DOCK9: variants seen among roughly 807,000 people sequenced by gnomAD.
DOCK9 encodes the protein dedicator of cytokinesis 9.
A neutral mutation model predicts 263.3 loss-of-function variants in DOCK9; 89 were observed. The ratio of observed to expected loss-of-function variants is 0.34; its 90% CI spans 0.28 to 0.40. The LOEUF (loss-of-function observed/expected upper bound fraction) is 0.40, where lower values mean the gene tolerates loss of function less well. DOCK9 is among the 10% of genes least tolerant of loss of function. The pLI, the probability that DOCK9 is intolerant of heterozygous loss-of-function variation, is 1.00. For missense variants in DOCK9, 2,140 were observed against 2,603.4 expected (o/e 0.82, Z 3.87); for synonymous variants, 976 against 973.1 (o/e 1.00, Z -0.06).
intron 52 of DOCK9, among the ~76,000 whole-genome samples, chr13:98,795,272 T>C (rs1391720896): frequency 6.6e-6 from 1 of 152,262 alleles, no homozygotes; most frequent in Non-Finnish European, 1.5e-5. Context: ...GTTTCTCTCC[T>C]GCCTCCTTTT....
intron 1 of DOCK9, among the ~76,000 whole-genome samples, chr13:98,983,358 A>G (rs1877677910): frequency 6.6e-6 from 1 of 152,202 alleles, no homozygotes; most frequent in Non-Finnish European, 1.5e-5. Context: ...TCTGAGAAAG[A>G]CAAAAGCATG....
chr13:99,077,597 A>G lies in DOCK9; in HGVS notation c.129+8626T>C, dbSNP rs192542319. 2.6e-5 allele frequency among the ~76,000 whole-genome samples: 4 copies of G among 152,284 alleles called. No homozygotes were observed. In the East Asian group the frequency reaches 7.7e-4, roughly 29 times the overall value. On this transcript the variant is annotated intron_variant, in intron 1 of 32. Coordinates refer to the DOCK9 transcript ENST00000427887. ...TTGCAGTGCAAAAATGGACTAATACACCCTACTACTGCACAGACCAGGAAA... is the reference window on the plus strand; with the variant it reads ...TTGCAGTGCAAAAATGGACTAATACGCCCTACTACTGCACAGACCAGGAAA...
chr13:98,941,008 G>A (rs990642094), intron 2 of DOCK9, among the ~76,000 whole-genome samples: 6 of 152,176 alleles, frequency 3.9e-5, no homozygotes, highest in East Asian at 1.9e-4. Flanking sequence ...GTGACCAACC[G>A]TACTAACTTT....
In DOCK9 at chr13:98,824,565, G is replaced by C. The variant is rs147013907; in HGVS notation, c.5024-61C>G. On this transcript the variant is annotated intron_variant, in intron 44 of 52. Transcript: ENST00000682017. ...GAACCTGAACGTGGGTGAACCCTGA[G>C]GGTTTTTCCTGCCCTGTGTGTTTCT... The C allele has an allele frequency of 3.3e-4, 479 of 1,452,534 alleles. 1 individual carries two copies. The highest frequency in any genetic ancestry group is 2.9e-3 in the African/African-American group (209 of 71,850). 90.0% of individuals were successfully genotyped at this position (1,452,534 alleles called of 1,614,324 possible).
chr13:98,966,360 ATG>A (rs1368110674), intron 1 of DOCK9, among the ~76,000 whole-genome samples: 1 of 152,250 alleles, frequency 6.6e-6, no homozygotes, highest in African/African-American at 2.4e-5. Context: ...TGGGCCCAGC[ATG>A]TGTCTCTCAC....
intron 1 of DOCK9, among the ~76,000 whole-genome samples, chr13:99,034,498 T>C (rs1319622665): frequency 6.6e-6 from 1 of 152,216 alleles, no homozygotes; most frequent in East Asian, 1.9e-4. Context: ...TTTCTGACTG[T>C]TGTAACCTTG....
At chr13:98,860,355 C>T (rs1394781134) in intron 33 of DOCK9, 50 bp downstream of exon 33, 4 of 1,552,468 alleles carry the variant, frequency 2.6e-6, no homozygotes, top group Non-Finnish European at 3.5e-6. Flanking sequence ...GGCTCCAAGA[C>T]ACTTTCAGAG....
At chr13:98,956,568 G>A (rs1371658873) in intron 1 of DOCK9, among the ~76,000 whole-genome samples, 4 of 151,910 alleles carry the variant, frequency 2.6e-5, no homozygotes, top group African/African-American at 9.7e-5. Flanking sequence ...CCAACACGAT[G>A]AAACCCTGTC....
chr13:99,006,702 A>AT (rs1336584174), intron 1 of DOCK9, among the ~76,000 whole-genome samples: 1 of 152,192 alleles, frequency 6.6e-6, no homozygotes, highest in Non-Finnish European at 1.5e-5. Context: ...GTTATGGGTA[A>AT]TTTTTGTTTT....
At chr13:98,839,778 C>T (rs373852351) in intron 38 of DOCK9, among the ~76,000 whole-genome samples, 8 of 152,286 alleles carry the variant, frequency 5.3e-5, no homozygotes, top group Admixed American at 2.0e-4. Context: ...TTAAAACATA[C>T]CATCAATGGA....
chr13:98,957,446 T>C (rs1224034443), intron 1 of DOCK9, among the ~76,000 whole-genome samples: 2 of 152,098 alleles, frequency 1.3e-5, no homozygotes, highest in Non-Finnish European at 2.9e-5. Flanking sequence ...TACACAATTA[T>C]TATAATTAAG....
chr13:98,950,592 C>T (rs1322048206), intron 2 of DOCK9: 6 of 280,638 alleles, frequency 2.1e-5, no homozygotes, highest in African/African-American at 8.9e-5. Context: ...CGTGAGCCAA[C>T]GAACCCGGCC....
At chr13:99,078,550 C>G (rs1042690131) in intron 1 of DOCK9, among the ~76,000 whole-genome samples, 15 of 152,112 alleles carry the variant, frequency 9.9e-5, no homozygotes, top group African/African-American at 3.6e-4. Flanking sequence ...GGCAGACCAG[C>G]CAGTGTAGAA....
At chr13:99,012,798 T>C (rs867080031) in intron 1 of DOCK9, among the ~76,000 whole-genome samples, 8 of 152,074 alleles carry the variant, frequency 5.3e-5, no homozygotes, top group Non-Finnish European at 1.0e-4. Context: ...TTGGTAACCA[T>C]GACAGAAGGG....
At position 98,895,700 on chromosome 13, in the gene DOCK9, G is replaced by A. The variant is rs539877334; in HGVS notation, c.1709+1788C>T. On this transcript the variant is annotated intron_variant, in intron 15 of 52. Transcript: ENST00000682017. Reference sequence around the variant, plus strand: ...AAAAAGTTCTCCAAAAGTTCACCACGAAGGTTAAAACTAGTAGTAAACCTT... The same window carrying A: ...AAAAAGTTCTCCAAAAGTTCACCACAAAGGTTAAAACTAGTAGTAAACCTT... Among the ~76,000 whole-genome samples, 4 of 151,274 alleles carry A rather than the reference G, an allele frequency of 2.6e-5. No individual in the cohort carries two copies. In the South Asian group the frequency reaches 6.3e-4, roughly 24 times the overall value.
At chr13:98,954,868 A>ACACACACG (rs759972412) in intron 2 of DOCK9, among the ~76,000 whole-genome samples, 11 of 141,500 alleles carry the variant, frequency 7.8e-5, no homozygotes, top group Non-Finnish European at 1.6e-4. Context: ...CAAGATACAC[A>ACACACACG]CACACACACA....
chr13:99,070,193 T>C (rs1025324755), intron 1 of DOCK9, among the ~76,000 whole-genome samples: 12 of 152,232 alleles, frequency 7.9e-5, no homozygotes, highest in African/African-American at 2.9e-4. Flanking sequence ...ACAATGCCCA[T>C]GTGTACAAGC....
intron 1 of DOCK9, among the ~76,000 whole-genome samples, chr13:99,061,234 G>A (rs548284470): frequency 6.6e-6 from 1 of 152,132 alleles, no homozygotes; most frequent in East Asian, 1.9e-4. Flanking sequence ...AGACACTGAG[G>A]GGAACAGGAG....
intron 49 of DOCK9, among the ~76,000 whole-genome samples, chr13:98,804,140 C>A (rs377389160): frequency 2.6e-5 from 4 of 152,296 alleles, no homozygotes; most frequent in African/African-American, 7.2e-5. Context: ...GGGGAGCAGG[C>A]CCTTTCCTGG....
Sources: allele counts gnomAD v4.1 joint callset (sites outside exome capture counted in the v4.1 genomes callset), GRCh38; gene constraint gnomAD v4.1.1; transcripts MANE v1.5; gene names NCBI Gene and HGNC (gene_info 2026-07-23, HGNC 2026-07-21).